The following STAG1 variants were observed in gnomAD, a reference collection of about 807,000 sequenced individuals.
STAG1 encodes STAG1 cohesin complex component.
Under a neutral mutation model 170.9 loss-of-function variants are expected in STAG1, and 26 were observed. The observed-to-expected ratio is 0.15, with a 90% CI of 0.11 to 0.21. The LOEUF (loss-of-function observed/expected upper bound fraction) is 0.21. Among genes scored for constraint, STAG1 ranks in the 10% least tolerant of loss-of-function variants. The pLI, the probability that STAG1 is intolerant of heterozygous loss-of-function variation, is 1.00. For missense variants in STAG1, 964 were observed against 1,509.5 expected (o/e 0.64, Z 5.99); for synonymous variants, 514 against 497.7 (o/e 1.03, Z -0.44).
At chr3:136,381,037 G>GAAAAAAAAAAAAAAAAAA (rs58810961) in intron 22 of STAG1, among the ~76,000 whole-genome samples, 1 of 105,036 alleles carries the variant, frequency 9.5e-6, no homozygotes. Flanking sequence ...AAAAAAAAAA[G>GAAAAAAAAAAAAAAAAAA]AAAAAAAAAA....
rs201112878 is a variant in STAG1, at chr3:136,357,672, A to C, written c.3065+48T>G. The stretch of plus-strand genomic sequence containing the variant: ...AAAATTTTTCAAAAAATAAACATTT[A>C]CAACAGTATTATTATAAAAACCACT... On this transcript the variant is annotated intron_variant, in intron 28 of 33. Transcript: ENST00000383202. 3.6e-4 allele frequency: 527 copies of C among 1,477,834 alleles called. 1 individual carries two copies. Among genetic ancestry groups the C allele is most frequent in the Middle Eastern group, 3.8e-4 (2 of 5,320 alleles). 91.5% of individuals were successfully genotyped at this position (1,477,834 alleles called of 1,614,324 possible). A position where few individuals can be genotyped will look rare whatever the true frequency, so the allele number is the denominator to read the frequency against.
At chr3:136,400,371 G>A (rs1329059789) in intron 21 of STAG1, among the ~76,000 whole-genome samples, 4 of 151,786 alleles carry the variant, frequency 2.6e-5, no homozygotes, top group Non-Finnish European at 1.5e-5. Flanking sequence ...GGAACTACAG[G>A]CACACGCCTG....
At chr3:136,524,000 T>G (rs942676170) in intron 6 of STAG1, among the ~76,000 whole-genome samples, 3 of 152,148 alleles carry the variant, frequency 2.0e-5, no homozygotes, top group Admixed American at 6.6e-5. Context: ...TACTGTAGCC[T>G]TGTAGTATAG....
chr3:136,367,201 A>C (rs1228036960), intron 24 of STAG1, 119 bp from the exon 25 acceptor site: 4 of 812,442 alleles, frequency 4.9e-6, no homozygotes, highest in African/African-American at 3.4e-5. Context: ...AGTACAATTC[A>C]GTTTTAGATG....
intron 3 of STAG1, among the ~76,000 whole-genome samples, chr3:136,615,084 CA>C (rs954047818): frequency 1.3e-5 from 2 of 151,332 alleles, no homozygotes; most frequent in African/African-American, 4.9e-5. Context: ...AAAAGTTTCA[CA>C]AAAAAATTAT....
At chr3:136,516,984 C>A (rs1384227006) in intron 7 of STAG1, among the ~76,000 whole-genome samples, 1 of 152,150 alleles carries the variant, frequency 6.6e-6, no homozygotes, top group Non-Finnish European at 1.5e-5. Context: ...TTTTCTGAGG[C>A]AAAATTATTT....
chr3:136,672,839 G>A (rs1308780463), intron 1 of STAG1, among the ~76,000 whole-genome samples: 2 of 152,072 alleles, frequency 1.3e-5, no homozygotes, highest in Non-Finnish European at 2.9e-5. Context: ...CAAAGACCAT[G>A]GTGAAAAGGC....
intron 22 of STAG1, among the ~76,000 whole-genome samples, chr3:136,385,039 T>A (rs943090629): frequency 2.0e-5 from 3 of 152,344 alleles, no homozygotes; most frequent in African/African-American, 7.2e-5. Context: ...TGCTACTTTA[T>A]CTACTTCTCT....
intron 4 of STAG1, among the ~76,000 whole-genome samples, chr3:136,574,954 A>G (rs1937401100): frequency 6.6e-6 from 1 of 152,248 alleles, no homozygotes; most frequent in South Asian, 2.1e-4. Context: ...AATAATACAG[A>G]GCAAGCTCTC....
At position 136,630,857 on chromosome 3, in the gene STAG1, TTACAA is replaced by T; in HGVS notation, c.29+8_29+12del. ...CTTAAAAAATATAAAAAAAAGAAAATTACAATACTTACTGTAACACTGGTAATTCT... is the reference window on the plus strand; with the variant it reads ...CTTAAAAAATATAAAAAAAAGAAAATTACTTACTGTAACACTGGTAATTCT... On this transcript the variant is annotated splice_region_variant and intron_variant, in intron 2 of 33. Transcript: ENST00000383202. 8 of 1,535,638 alleles carry T rather than the reference TTACAA, an allele frequency of 5.2e-6. No homozygotes were observed. The highest frequency in any genetic ancestry group is 7.0e-6 in the Non-Finnish European group (8 of 1,137,686).
At chr3:136,350,522 T>A (rs1936396797) in intron 28 of STAG1, among the ~76,000 whole-genome samples, 1 of 151,964 alleles carries the variant, frequency 6.6e-6, no homozygotes, top group South Asian at 2.1e-4. Flanking sequence ...CACCTCAAAC[T>A]CCCTGTCGAG....
rs184579078 is a variant in STAG1, at chr3:136,628,045, C to T, written c.29+2825G>A. On this transcript the variant is annotated intron_variant, in intron 2 of 33. Transcript: ENST00000383202. The stretch of plus-strand genomic sequence containing the variant: ...CTGTGTCCTCACCAAAATCTCATCT[C>T]GAACTGTAATCCCCACCTGTCGAGG... 6.0e-4 allele frequency among the ~76,000 whole-genome samples: 92 copies of T among 152,276 alleles called. No individual in the cohort carries two copies. The East Asian group carries it at 7.1e-3, about 12-fold the overall frequency.
chr3:136,581,633 A>G (rs1448504475), intron 4 of STAG1, among the ~76,000 whole-genome samples: 1 of 152,194 alleles, frequency 6.6e-6, no homozygotes, highest in Non-Finnish European at 1.5e-5. Flanking sequence ...AACCTTAAAA[A>G]TATTAATATT....
At chr3:136,562,247 TTC>T (rs1254575986) in intron 5 of STAG1, among the ~76,000 whole-genome samples, 5 of 148,302 alleles carry the variant, frequency 3.4e-5, no homozygotes, top group Admixed American at 6.7e-5. Flanking sequence ...TTTAAACAGT[TTC>T]TGAGTCATTT....
intron 1 of STAG1, chr3:136,737,127 G>A (rs1290827189): frequency 1.2e-5 from 10 of 821,744 alleles, no homozygotes; most frequent in African/African-American, 5.0e-5. Context: ...ATTTTTTCAC[G>A]TTAGAACCAA....
At chr3:136,399,533 TTTA>T (rs1417649515) in intron 21 of STAG1, among the ~76,000 whole-genome samples, 8 of 152,354 alleles carry the variant, frequency 5.3e-5, no homozygotes, top group African/African-American at 1.7e-4. Flanking sequence ...ATGTTTCAGA[TTTA>T]TTGATGTTGC....
intron 27 of STAG1, among the ~76,000 whole-genome samples, chr3:136,358,903 T>C (rs1440037867): frequency 6.6e-6 from 1 of 152,200 alleles, no homozygotes; most frequent in Non-Finnish European, 1.5e-5. Flanking sequence ...ACTGTTTTCT[T>C]ACTGACAGAC....
intron 26 of STAG1, among the ~76,000 whole-genome samples, chr3:136,359,870 TA>T (rs1936794578): frequency 6.6e-6 from 1 of 152,228 alleles, no homozygotes; most frequent in Admixed American, 6.5e-5. Context: ...TGTATATTTA[TA>T]AACATCTATT....
At chr3:136,598,152 A>G (rs917342591) in intron 4 of STAG1, among the ~76,000 whole-genome samples, 1 of 152,156 alleles carries the variant, frequency 6.6e-6, no homozygotes, top group Non-Finnish European at 1.5e-5. Flanking sequence ...CTGGTCCTAA[A>G]GTTTTCTTAG....
Sources: allele counts gnomAD v4.1 joint callset (sites outside exome capture counted in the v4.1 genomes callset), GRCh38; gene constraint gnomAD v4.1.1; transcripts MANE v1.5; gene names NCBI Gene and HGNC (gene_info 2026-07-23, HGNC 2026-07-21).